Variants in CTNND2 observed in about 807,000 individuals in gnomAD.
CTNND2 encodes catenin delta 2.
CTNND2 carries 22 observed loss-of-function variants against 144.4 expected under a neutral mutation model. That is an observed-to-expected ratio of 0.15 (90% CI 0.11 to 0.22). CTNND2 has a LOEUF of 0.22. CTNND2 is among the 10% of genes least tolerant of loss of function. The probability of loss-of-function intolerance (pLI) is 1.00; values close to 1 mark genes in which losing one functional copy is unlikely to be tolerated. For missense variants in CTNND2, 1,353 were observed against 1,618.8 expected (o/e 0.84, Z 2.82); for synonymous variants, 751 against 695.6 (o/e 1.08, Z -1.25).
chr5:11,324,200 CA>C (rs1193012839), intron 9 of CTNND2, among the ~76,000 whole-genome samples: 4 of 152,106 alleles, frequency 2.6e-5, no homozygotes, highest in African/African-American at 9.7e-5. Context: ...AGCAGGGACC[CA>C]GAGTAGGCCC....
intron 2 of CTNND2, among the ~76,000 whole-genome samples, chr5:11,730,833 T>G (rs746478938): frequency 6.6e-6 from 1 of 152,210 alleles, no homozygotes; most frequent in Admixed American, 6.5e-5. Flanking sequence ...CATTTGTTCT[T>G]TCTGCTTTAA....
In CTNND2 at chr5:11,858,305, T is replaced by G. The variant is rs764826781; in HGVS notation, c.37+45512A>C. 4.6e-5 allele frequency among the ~76,000 whole-genome samples: 7 copies of G among 152,206 alleles called. No individual in the cohort carries two copies. The South Asian group carries it at 8.3e-4, about 18-fold the overall frequency. On this transcript the variant is annotated intron_variant, in intron 1 of 21. Coordinates refer to ENST00000304623, the MANE Select transcript of CTNND2 (RefSeq NM_001332.4). The stretch of plus-strand genomic sequence containing the variant: ...GCCTTATAAATGATGTCAGTATACA[T>G]GCACACAAAGAAACTCCCAGAATTT...
chr5:11,727,472 T>C (rs1224703558), intron 2 of CTNND2, among the ~76,000 whole-genome samples: 1 of 152,192 alleles, frequency 6.6e-6, no homozygotes, highest in South Asian at 2.1e-4. Context: ...TGATCACTAT[T>C]CCTAATACAG....
chr5:11,403,897 G>T (rs1019930513), intron 5 of CTNND2, among the ~76,000 whole-genome samples: 6 of 152,150 alleles, frequency 3.9e-5, no homozygotes, highest in Admixed American at 6.6e-5. Flanking sequence ...ATGGCTTGCT[G>T]GTGCATTTCT....
At chr5:11,317,616 T>C (rs147686280) in intron 9 of CTNND2, among the ~76,000 whole-genome samples, 157 of 152,346 alleles carry the variant, frequency 1.0e-3, no homozygotes, top group Non-Finnish European at 1.5e-3. Context: ...TTGGTTCCTT[T>C]GAGTAAAGAG....
chr5:11,497,511 C>CGGGG (rs940620634), intron 3 of CTNND2, among the ~76,000 whole-genome samples: 19 of 6,206 alleles, frequency 3.1e-3, no homozygotes, highest in South Asian at 5.4e-3. Flanking sequence ...GAATGATGTG[C>CGGGG]GGGGGGGTGG....
At chr5:11,196,961 G>C (rs1454430750) in intron 11 of CTNND2, among the ~76,000 whole-genome samples, 1 of 152,222 alleles carries the variant, frequency 6.6e-6, no homozygotes. Flanking sequence ...ACATCATTGA[G>C]GCAATGACTG....
intron 2 of CTNND2, among the ~76,000 whole-genome samples, chr5:11,571,058 T>A (rs1777511117): frequency 6.6e-6 from 1 of 152,202 alleles, no homozygotes; most frequent in Admixed American, 6.5e-5. Context: ...TAGTTTTTAT[T>A]CTCTGAATAT....
chr5:11,437,625 T>C (rs1227860338), intron 3 of CTNND2, among the ~76,000 whole-genome samples: 1 of 151,906 alleles, frequency 6.6e-6, no homozygotes, highest in African/African-American at 2.4e-5. Flanking sequence ...GCATTTGGGG[T>C]TGAAGGCAGA....
At chr5:11,679,846 G>A (rs1404258309) in intron 2 of CTNND2, among the ~76,000 whole-genome samples, 1 of 152,160 alleles carries the variant, frequency 6.6e-6, no homozygotes, top group Non-Finnish European at 1.5e-5. Flanking sequence ...CCAGCTCCCT[G>A]ACCTCATGGA....
At chr5:11,778,773 C>T (rs2126842551) in intron 1 of CTNND2, among the ~76,000 whole-genome samples, 1 of 152,294 alleles carries the variant, frequency 6.6e-6, no homozygotes, top group African/African-American at 2.4e-5. Flanking sequence ...ACAGGCTACA[C>T]TTAGTAATAA....
intron 12 of CTNND2, among the ~76,000 whole-genome samples, chr5:11,130,826 C>G (rs1417352259): frequency 6.6e-6 from 1 of 152,138 alleles, no homozygotes; most frequent in Non-Finnish European, 1.5e-5. Context: ...CTGTATTCTA[C>G]CAACTCCCAC....
chr5:11,743,447 G>C (rs1349456297), intron 1 of CTNND2, among the ~76,000 whole-genome samples: 1 of 152,164 alleles, frequency 6.6e-6, no homozygotes, highest in African/African-American at 2.4e-5. Context: ...TTGGGTAAGT[G>C]GCTTCCAAGG....
chr5:10,979,191 TC>T (rs1736905261), intron 21 of CTNND2, among the ~76,000 whole-genome samples: 1 of 152,190 alleles, frequency 6.6e-6, no homozygotes, highest in Admixed American at 6.5e-5. Context: ...TTACTGTACA[TC>T]CAGAATTTCA....
At chr5:11,392,964 A>C (rs1233666990) in intron 6 of CTNND2, among the ~76,000 whole-genome samples, 3 of 152,192 alleles carry the variant, frequency 2.0e-5, no homozygotes, top group African/African-American at 7.2e-5. Flanking sequence ...AGGTGTTTAC[A>C]GGGAACTTGC....
intron 3 of CTNND2, among the ~76,000 whole-genome samples, chr5:11,447,057 C>CAAA (rs1320933860): frequency 6.6e-6 from 1 of 151,952 alleles, no homozygotes; most frequent in African/African-American, 2.4e-5. Context: ...TCCCGGGTAA[C>CAAA]AACAACAACA....
intron 3 of CTNND2, among the ~76,000 whole-genome samples, chr5:11,444,349 A>T (rs1764611614): frequency 6.6e-6 from 1 of 152,230 alleles, no homozygotes; most frequent in Admixed American, 6.5e-5. Context: ...GCAGGCTTCA[A>T]TGAGCCACGA....
chr5:11,787,272 CT>C (rs1790885619), intron 1 of CTNND2, among the ~76,000 whole-genome samples: 1 of 152,190 alleles, frequency 6.6e-6, no homozygotes, highest in Admixed American at 6.5e-5. Context: ...TTTGGACAGT[CT>C]GTTGATAATC....
At chr5:11,317,173 C>T (rs1012234244) in intron 9 of CTNND2, among the ~76,000 whole-genome samples, 4 of 152,282 alleles carry the variant, frequency 2.6e-5, no homozygotes, top group African/African-American at 9.6e-5. Context: ...ATTATTTTAT[C>T]CGCATCTTAC....
Sources: gnomAD v4.1 joint callset for allele counts (sites outside exome capture counted in the v4.1 genomes callset) on GRCh38, gnomAD v4.1.1 for gene constraint, MANE v1.5 for transcripts, NCBI Gene and HGNC (gene_info 2026-07-23, HGNC 2026-07-21) for gene names.